Variants in SCARB2 observed in about 807,000 individuals in gnomAD.
The protein encoded by SCARB2 is lysosome membrane protein 2.
Under a neutral mutation model 58.6 loss-of-function variants are expected in SCARB2, and 29 were observed. The ratio of observed to expected loss-of-function variants is 0.49; its 90% CI spans 0.37 to 0.67. SCARB2 has a LOEUF of 0.67. Among genes scored for constraint, SCARB2 ranks in the 30% least tolerant of loss-of-function variants. SCARB2 has a pLI of 0.00. For synonymous variants in SCARB2, 195 were observed against 210.1 expected (o/e 0.93, Z 0.62); for missense variants, 488 against 578.5 (o/e 0.84, Z 1.60).
At chr4:76,179,983 T>C in intron 3 of SCARB2, 1 of 463,994 alleles carries the variant, frequency 2.2e-6, no homozygotes, top group Non-Finnish European at 4.0e-6. Flanking sequence ...GGAAAAGCTC[T>C]TGTAAACATG....
intron 1 of SCARB2, among the ~76,000 whole-genome samples, chr4:76,206,786 A>G (rs946123029): frequency 2.0e-5 from 3 of 151,688 alleles, no homozygotes; most frequent in African/African-American, 7.3e-5. Flanking sequence ...TCAATTATGG[A>G]GATATGAATG....
At position 76,169,864 on chromosome 4, in the gene SCARB2, C is replaced by T; in HGVS notation, c.1113+3G>A. Reference sequence around the variant, plus strand: ...CTTTTACCAGGAGGAAGTATGTACTCACAGGATTAATGTCCACAAATGTCT... The same window carrying T: ...CTTTTACCAGGAGGAAGTATGTACTTACAGGATTAATGTCCACAAATGTCT... On this transcript the variant is annotated splice_donor_region_variant and intron_variant, in intron 8 of 11. Transcript: ENST00000264896. 2 of 1,603,144 alleles carry T rather than the reference C, an allele frequency of 1.2e-6. No individual in the cohort carries two copies. Among genetic ancestry groups the T allele is most frequent in the Non-Finnish European group, 1.7e-6 (2 of 1,170,078 alleles).
intron 1 of SCARB2, 155 bp downstream of exon 1, chr4:76,213,272 C>T (rs1028481767): frequency 1.9e-5 from 13 of 696,206 alleles, no homozygotes; most frequent in Non-Finnish European, 2.4e-5. Context: ...TTCTTTAACC[C>T]TCGCCTACCA....
intron 2 of SCARB2, among the ~76,000 whole-genome samples, chr4:76,183,224 G>T (rs925938065): frequency 6.6e-6 from 1 of 152,084 alleles, no homozygotes; most frequent in African/African-American, 2.4e-5. Context: ...GAAGTGTGTG[G>T]CGTTTTCTCT....
chr4:76,214,257 C>T (rs1312775956), upstream of SCARB2: 4 of 455,572 alleles, frequency 8.8e-6, no homozygotes, highest in Admixed American at 9.4e-5. Flanking sequence ...GTGCTTCTAC[C>T]AGGTGCCTGC....
chr4:76,191,457 G>A (rs957735603), intron 2 of SCARB2, among the ~76,000 whole-genome samples: 5 of 152,148 alleles, frequency 3.3e-5, no homozygotes, highest in East Asian at 3.9e-4. Context: ...TGCTGTCCTC[G>A]AGATAGTGAG....
intron 2 of SCARB2, chr4:76,195,394 A>G (rs1345424509): frequency 4.2e-6 from 1 of 239,936 alleles, no homozygotes; most frequent in Non-Finnish European, 8.1e-6. Context: ...TAAAATAAGA[A>G]TATCAAGGGG....
chr4:76,161,845 G>A, intron 11 of SCARB2, 94 bp from the exon 12 acceptor site: 5 of 1,183,936 alleles, frequency 4.2e-6, no homozygotes, highest in South Asian at 1.2e-5. Flanking sequence ...GGCATGGAAG[G>A]AGGAGAGACC....
chr4:76,175,944 G>T, intron 5 of SCARB2, 34 bp from the exon 6 acceptor site: 1 of 1,611,316 alleles, frequency 6.2e-7, no homozygotes, highest in Non-Finnish European at 8.5e-7. Flanking sequence ...GAGTAAAGAT[G>T]ATCACATTTG....
At chr4:76,206,950 T>G (rs1732941911) in intron 1 of SCARB2, among the ~76,000 whole-genome samples, 1 of 152,128 alleles carries the variant, frequency 6.6e-6, no homozygotes, top group South Asian at 2.1e-4. Context: ...CCTGGTTGTT[T>G]GAAAACATTA....
At chr4:76,221,923 A>G (rs1483683002) in intron 1 of SCARB2, among the ~76,000 whole-genome samples, 1 of 152,210 alleles carries the variant, frequency 6.6e-6, no homozygotes, top group Non-Finnish European at 1.5e-5. Context: ...ATCAAAGGAA[A>G]AAAATGCGTA....
rs111485581 is a variant in SCARB2 at position 76,233,961 on chromosome 4, A to T, written c.-358+342T>A. ...AGAGGAAAGAAAAAAAGTTTAAAAA[A>T]TGCCTGGGGAAGAACCTCTTATTCT... is the stretch of plus-strand genomic sequence containing the variant. On this transcript the variant is annotated intron_variant, in intron 1 of 11. Transcript: ENST00000638295. Among the ~76,000 whole-genome samples, 876 of 152,330 alleles carry T rather than the reference A, an allele frequency of 5.8e-3. 11 individuals are homozygous for T. The highest frequency in any genetic ancestry group is 0.02 in the African/African-American group (828 of 41,574).
chr4:76,189,474 C>CTGTTGTTGT (rs138885918), intron 2 of SCARB2, among the ~76,000 whole-genome samples: 4,981 of 150,424 alleles, frequency 0.033, 94 homozygotes, highest in Non-Finnish European at 0.038. Context: ...TTTTGTTTGT[C>CTGTTGTTGT]TGTTGTTGTT....
chr4:76,211,739 G>C (rs2109972234), intron 1 of SCARB2, among the ~76,000 whole-genome samples: 1 of 152,312 alleles, frequency 6.6e-6, no homozygotes, highest in South Asian at 2.1e-4. Flanking sequence ...GGAAAAAGCA[G>C]AATAGCGATG....
chr4:76,214,197 T>TAG (rs1226637394), upstream of SCARB2: 361 of 454,126 alleles, frequency 7.9e-4, 2 homozygotes, highest in Non-Finnish European at 1.0e-3. Context: ...CTAGAGGCGC[T>TAG]CGCAAGTTAG....
intron 1 of SCARB2, among the ~76,000 whole-genome samples, chr4:76,197,874 GA>G (rs1487681560): frequency 6.7e-6 from 1 of 149,714 alleles, no homozygotes; most frequent in African/African-American, 2.5e-5. Flanking sequence ...TCTGTAAGCA[GA>G]AAAAAAAATG....
At chr4:76,164,650 AAT>A in intron 10 of SCARB2, 1 of 150,998 alleles carries the variant, frequency 6.6e-6, no homozygotes, top group Non-Finnish European at 1.5e-5. Flanking sequence ...AAAAAAAAAA[AAT>A]TAGCCGGGCA....
upstream of SCARB2, chr4:76,217,698 T>C (rs1733234792): frequency 5.1e-6 from 3 of 590,908 alleles, no homozygotes; most frequent in Admixed American, 2.5e-5. Context: ...GGTATTGTTA[T>C]AGCAACACAA....
chr4:76,178,601 C>A (rs562491415), intron 4 of SCARB2, among the ~76,000 whole-genome samples: 1 of 152,248 alleles, frequency 6.6e-6, no homozygotes, highest in African/African-American at 2.4e-5. Context: ...CAGGGCTTGA[C>A]AGGAAATCTG....
Sources: allele counts gnomAD v4.1 joint callset (sites outside exome capture counted in the v4.1 genomes callset), GRCh38; gene constraint gnomAD v4.1.1; transcripts MANE v1.5; gene names NCBI Gene and HGNC (gene_info 2026-07-23, HGNC 2026-07-21).